The following CDH18 variants were observed in gnomAD, a reference collection of about 807,000 sequenced individuals.
CDH18 encodes cadherin 18, also known as cadherin-18.
In CDH18, 31 loss-of-function variants were observed where a neutral mutation model predicts 67.9. That is an observed-to-expected ratio of 0.46 (90% CI 0.34 to 0.62). CDH18 has a LOEUF of 0.62. CDH18 is among the 20% of genes least tolerant of loss of function. The pLI is 0.01. For missense variants in CDH18, 890 were observed against 975.5 expected, an observed-to-expected ratio of 0.91 and a Z score of 1.17; for synonymous variants, 362 against 347.2, an observed-to-expected ratio of 1.04 and a Z score of -0.48.
intron 2 of CDH18, among the ~76,000 whole-genome samples, chr5:20,080,613 T>C (rs969274268): frequency 6.6e-6 from 1 of 152,154 alleles, no homozygotes; most frequent in Non-Finnish European, 1.5e-5. Flanking sequence ...TATTTATTTT[T>C]TGATGAAAAT....
rs545486459 is a variant in CDH18, at chr5:20,485,699, G to A, written c.-580+89763C>T. Among the ~76,000 whole-genome samples the A allele has an allele frequency of 2.7e-5, 4 of 150,730 alleles. No homozygotes were observed. In the South Asian group the frequency reaches 6.2e-4, roughly 23 times the overall value. ...AATTTAGTAAGATTTTCAGGCTCAT[G>A]GGTGAAAAAAAGTGTTTTGCTTCCT... On this transcript the variant is annotated intron_variant, in intron 1 of 14. Coordinates refer to the CDH18 transcript ENST00000507958.
At chr5:19,863,474 G>A (rs947550486) in intron 2 of CDH18, among the ~76,000 whole-genome samples, 2 of 152,234 alleles carry the variant, frequency 1.3e-5, no homozygotes, top group African/African-American at 2.4e-5. Context: ...TCAGTATTCT[G>A]AGGATCTCAT....
intron 1 of CDH18, among the ~76,000 whole-genome samples, chr5:20,416,486 AT>A (rs1185450618): frequency 6.6e-6 from 1 of 152,158 alleles, no homozygotes; most frequent in Admixed American, 6.5e-5. Context: ...AGCATATAGA[AT>A]TAATAGGTTT....
intron 8 of CDH18, among the ~76,000 whole-genome samples, chr5:19,547,654 G>A (rs1173540438): frequency 6.6e-6 from 1 of 152,014 alleles, no homozygotes; most frequent in Non-Finnish European, 1.5e-5. Context: ...AATTTATATA[G>A]TTTTAAATTA....
intron 2 of CDH18, among the ~76,000 whole-genome samples, chr5:20,231,659 C>G (rs1441586318): frequency 6.6e-6 from 1 of 151,528 alleles, no homozygotes; most frequent in East Asian, 1.9e-4. Flanking sequence ...ACAAAGAAAT[C>G]ACTGGATAAT....
At chr5:19,899,108 T>C (rs1220826611) in intron 2 of CDH18, among the ~76,000 whole-genome samples, 1 of 152,034 alleles carries the variant, frequency 6.6e-6, no homozygotes, top group Non-Finnish European at 1.5e-5. Flanking sequence ...CAAAATAAGA[T>C]ATCGTCTCAG....
intron 8 of CDH18, among the ~76,000 whole-genome samples, chr5:19,557,578 A>C (rs1211495460): frequency 6.6e-6 from 1 of 152,012 alleles, no homozygotes; most frequent in Non-Finnish European, 1.5e-5. Flanking sequence ...CCAACAGAAA[A>C]AAAAATTCAC....
At chr5:19,590,936 A>C in intron 7 of CDH18, 121 bp downstream of exon 7, 1 of 558,988 alleles carries the variant, frequency 1.8e-6, no homozygotes, top group Non-Finnish European at 3.2e-6. Flanking sequence ...TTATATCGCA[A>C]AGTGACAATA....
At chr5:19,488,859 TC>T (rs1450048590) in intron 11 of CDH18, among the ~76,000 whole-genome samples, 2 of 152,216 alleles carry the variant, frequency 1.3e-5, no homozygotes, top group Non-Finnish European at 2.9e-5. Context: ...GACTTCCCTT[TC>T]TTTGAATCTT....
At chr5:19,821,055 T>G (rs1367037104) in intron 3 of CDH18, among the ~76,000 whole-genome samples, 2 of 152,148 alleles carry the variant, frequency 1.3e-5, no homozygotes, top group Admixed American at 6.5e-5. Context: ...TGGAGTACTC[T>G]CTTACCTACG....
chr5:20,313,304 T>C (rs562472115), intron 1 of CDH18, among the ~76,000 whole-genome samples: 55 of 152,226 alleles, frequency 3.6e-4, no homozygotes, highest in Non-Finnish European at 6.3e-4. Flanking sequence ...TCATTTCTCT[T>C]TCTACTGACT....
At chr5:19,542,524 A>C (rs1331552742) in intron 9 of CDH18, among the ~76,000 whole-genome samples, 3 of 151,052 alleles carry the variant, frequency 2.0e-5, no homozygotes, top group Admixed American at 1.3e-4. Flanking sequence ...ATGTTTGTCA[A>C]GTAAAGAATG....
chr5:20,333,550 C>CAT (rs397883660), intron 1 of CDH18, among the ~76,000 whole-genome samples: 1 of 147,052 alleles, frequency 6.8e-6, no homozygotes, highest in South Asian at 2.1e-4. Flanking sequence ...CACACACACA[C>CAT]ATATATGTAT....
intron 1 of CDH18, among the ~76,000 whole-genome samples, chr5:19,982,848 T>C (rs1799188744): frequency 6.6e-6 from 1 of 151,060 alleles, no homozygotes; most frequent in Non-Finnish European, 1.5e-5. Flanking sequence ...ATTATGACCA[T>C]CCTGGCTAAC....
At chr5:20,024,181 A>C (rs544967305) in intron 2 of CDH18, among the ~76,000 whole-genome samples, 1 of 152,328 alleles carries the variant, frequency 6.6e-6, no homozygotes, top group South Asian at 2.1e-4. Context: ...CTAAAATCCA[A>C]ACTTCATTAT....
intron 1 of CDH18, among the ~76,000 whole-genome samples, chr5:20,289,188 A>G (rs1181950763): frequency 6.6e-6 from 1 of 151,998 alleles, no homozygotes; most frequent in Non-Finnish European, 1.5e-5. Context: ...TATTAAATGT[A>G]TATTAGCTCA....
intron 2 of CDH18, among the ~76,000 whole-genome samples, chr5:19,968,497 A>G (rs1201894408): frequency 3.9e-5 from 6 of 151,998 alleles, no homozygotes; most frequent in Non-Finnish European, 7.3e-5. Context: ...AAACAGAGAT[A>G]TAGATCAATG....
intron 6 of CDH18, among the ~76,000 whole-genome samples, chr5:19,597,594 A>G (rs1746379338): frequency 6.6e-6 from 1 of 152,150 alleles, no homozygotes; most frequent in Admixed American, 6.6e-5. Flanking sequence ...ATACTTTGAT[A>G]TATTTCTAAC....
chr5:20,474,316 A>G (rs1057498322), intron 1 of CDH18, among the ~76,000 whole-genome samples: 9 of 152,044 alleles, frequency 5.9e-5, no homozygotes, highest in Admixed American at 5.9e-4. Context: ...TCCAGCTCCA[A>G]TCATTAATAA....
Sources: gnomAD v4.1 joint callset for allele counts (sites outside exome capture counted in the v4.1 genomes callset) on GRCh38, gnomAD v4.1.1 for gene constraint, MANE v1.5 for transcripts, NCBI Gene and HGNC (gene_info 2026-07-23, HGNC 2026-07-21) for gene names.